The following OPA3 variants were observed in gnomAD, a reference collection of about 807,000 sequenced individuals.
OPA3 encodes optic atrophy 3 protein.
Under a neutral mutation model 4.0 loss-of-function variants are expected in OPA3, and 6 were observed. The ratio of observed to expected loss-of-function variants is 1.51; its 90% confidence interval spans 0.83 to 2.99. OPA3 has a LOEUF of 2.99. Ranked by LOEUF, OPA3 falls within the 30% of genes most tolerant of loss-of-function variation. The pLI, the probability that OPA3 is intolerant of heterozygous loss-of-function variation, is 0.00. For synonymous variants in OPA3, 105 were observed against 117.1 expected (o/e 0.90, Z 0.67); for missense variants, 235 against 256.2 (o/e 0.92, Z 0.56).
At chr19:45,564,406 G>A (rs1969552402) in intron 1 of OPA3, among the ~76,000 whole-genome samples, 1 of 152,194 alleles carries the variant, frequency 6.6e-6, no homozygotes, top group Admixed American at 6.5e-5. Context: ...GTGGGGTTAA[G>A]CCCAGGATCC....
chr19:45,557,194 G>C (rs1306085983), intron 1 of OPA3, among the ~76,000 whole-genome samples: 10 of 152,182 alleles, frequency 6.6e-5, no homozygotes, highest in African/African-American at 9.7e-5. Flanking sequence ...CAGCAGGTGG[G>C]TCTAGGTGTG....
In OPA3 at chr19:45,584,664, C is replaced by A; in HGVS notation, c.101G>T (p.Ser34Ile). 1 of 1,614,206 alleles carries A rather than the reference C, an allele frequency of 6.2e-7. No individual in the cohort carries two copies. Among genetic ancestry groups the A allele is most frequent in the East Asian group, 2.2e-5 (1 of 44,874 alleles). Residue 34 changes from serine to isoleucine, a missense_variant, in exon 1 of 2, where the codon AGC (serine) becomes ATC (isoleucine). Coordinates refer to ENST00000263275, the MANE Select transcript of OPA3 (RefSeq NM_025136.4). The stretch of plus-strand genomic sequence containing the variant: ...GCAGATATAGGTCTTGAAGAACTCG[C>A]TTCGGCGGGCGGCCTCCTTAATACG... ...ANRIKEAARR[S>I]EFFKTYICLP...
intron 1 of OPA3, among the ~76,000 whole-genome samples, chr19:45,580,591 C>T (rs937130737): frequency 2.2e-4 from 33 of 149,914 alleles, no homozygotes; most frequent in Non-Finnish European, 5.9e-5. Context: ...CCGCGCCCAG[C>T]ACAGAAGCCT....
Position 45,551,042 on chromosome 19 carries a change from C to T in OPA3, c.*2472G>A. On this transcript the variant is annotated 3_prime_UTR_variant, in exon 2 of 2. Coordinates refer to ENST00000263275, the MANE Select transcript of OPA3 (RefSeq NM_025136.4). ...GTGGCGCGATCACGGCTCGCTGCAGCCTCGACCTCCAGGGCTCAGGTGATC... is the reference window on the plus strand; with the variant it reads ...GTGGCGCGATCACGGCTCGCTGCAGTCTCGACCTCCAGGGCTCAGGTGATC... The T allele has an allele frequency of 1.3e-6, 1 of 771,462 alleles. No individual in the cohort carries two copies. Among genetic ancestry groups the T allele is most frequent in the Non-Finnish European group, 1.6e-6 (1 of 634,670 alleles). The allele number at this position is 771,462 out of a possible 1,614,324, so 47.8% of individuals were successfully genotyped here. A position where few individuals can be genotyped will look rare whatever the true frequency, so the allele number is the denominator to read the frequency against.
At chr19:45,560,403 T>C (rs972251501) in intron 1 of OPA3, among the ~76,000 whole-genome samples, 2 of 152,172 alleles carry the variant, frequency 1.3e-5, no homozygotes, top group African/African-American at 2.4e-5. Flanking sequence ...CAGCCCCAGA[T>C]AGGCACAGAG....
At chr19:45,582,001 G>A (rs1172661885) in intron 1 of OPA3, among the ~76,000 whole-genome samples, 1 of 152,038 alleles carries the variant, frequency 6.6e-6, no homozygotes, top group African/African-American at 2.4e-5. Flanking sequence ...TTTTCACCAT[G>A]TTGGTCAGGC....
chr19:45,549,082 G>C lies in OPA3; in HGVS notation c.*4432C>G. The C allele has an allele frequency of 1.0e-6, 1 of 980,654 alleles. No homozygotes were observed. Among genetic ancestry groups the C allele is most frequent in the Non-Finnish European group, 1.2e-6 (1 of 825,652 alleles). The allele number at this position is 980,654 out of a possible 1,614,324, so 60.7% of individuals were successfully genotyped here. On this transcript the variant is annotated 3_prime_UTR_variant, in exon 2 of 2. Transcript: ENST00000263275. ...GGCCTCCCAAAGTGCTAGGATTACA[G>C]GTGTGAGCCACTGCGCCCAGTCCCA... is the stretch of plus-strand genomic sequence containing the variant.
chr19:45,563,288 T>C (rs1283175981), intron 1 of OPA3, among the ~76,000 whole-genome samples: 1 of 152,160 alleles, frequency 6.6e-6, no homozygotes, highest in East Asian at 1.9e-4. Context: ...GCCTCCTGAG[T>C]AGCTGGGACT....
chr19:45,584,425 AC>A (rs1289730011), intron 1 of OPA3, 197 bp downstream of exon 1: 1 of 984,516 alleles, frequency 1.0e-6, no homozygotes, highest in African/African-American at 1.8e-5. Flanking sequence ...TGGCTCCTTG[AC>A]CCGCCCCTTA....
At chr19:45,546,129 T>C (rs577013796), downstream of OPA3, among the ~76,000 whole-genome samples, 51 of 152,278 alleles carry the variant, frequency 3.3e-4, 1 homozygote, top group South Asian at 4.6e-3. Context: ...ATGTATGATA[T>C]TAACATATCA....
downstream of OPA3, among the ~76,000 whole-genome samples, chr19:45,545,179 C>CA (rs796765113): frequency 4.6e-4 from 57 of 124,922 alleles, 2 homozygotes; most frequent in Middle Eastern, 4.5e-3. Context: ...AAAAAAAAAA[C>CA]AAAAAAACAA....
chr19:45,578,544 C>A (rs761505357), intron 1 of OPA3, among the ~76,000 whole-genome samples: 2 of 151,430 alleles, frequency 1.3e-5, no homozygotes, highest in Admixed American at 6.6e-5. Context: ...ACTCTGCTCC[C>A]GGGCCAGGCG....
rs1599958657 is a variant in OPA3 at position 45,548,905 on chromosome 19, G to A, written c.*4609C>T. The stretch of plus-strand genomic sequence containing the variant: ...TGCAACCTCCGCCTCCCGGGTCCAA[G>A]AGATTCTCCTGCCTCAGCCTCCCGA... On this transcript the variant is annotated 3_prime_UTR_variant, in exon 2 of 2. Coordinates refer to ENST00000263275, the MANE Select transcript of OPA3 (RefSeq NM_025136.4). 2.8e-6 allele frequency: 1 copy of A among 355,128 alleles called. No homozygotes were observed. The highest frequency in any genetic ancestry group is 1.7e-4 in the East Asian group (1 of 5,988). The allele number at this position is 355,128 out of a possible 1,614,324, so 22.0% of individuals were successfully genotyped here. A position where few individuals can be genotyped will look rare whatever the true frequency, so the allele number is the denominator to read the frequency against.
chr19:45,545,414 C>G (rs541034572), downstream of OPA3, among the ~76,000 whole-genome samples: 3 of 151,876 alleles, frequency 2.0e-5, no homozygotes, highest in African/African-American at 7.2e-5. Flanking sequence ...ACCTCTATTC[C>G]CAGCTACTCT....
At chr19:45,542,139 C>A (rs528972305), downstream of OPA3, among the ~76,000 whole-genome samples, 1 of 152,150 alleles carries the variant, frequency 6.6e-6, no homozygotes, top group Non-Finnish European at 1.5e-5. Context: ...CAAGTGAAGC[C>A]GGCTACTTCC....
intron 1 of OPA3, among the ~76,000 whole-genome samples, chr19:45,564,945 G>A (rs1193628630): frequency 3.3e-5 from 5 of 151,998 alleles, no homozygotes; most frequent in East Asian, 3.9e-4. Flanking sequence ...AACTTTTCTC[G>A]GCCGGGCGTG....
At chr19:45,538,456 A>T (rs1316154156) in intron 1 of OPA3, among the ~76,000 whole-genome samples, 1 of 152,178 alleles carries the variant, frequency 6.6e-6, no homozygotes, top group Non-Finnish European at 1.5e-5. Context: ...ACGGTGTCTT[A>T]CACTTGTAAT....
chr19:45,541,958 G>T (rs899818277), downstream of OPA3, among the ~76,000 whole-genome samples: 11 of 152,182 alleles, frequency 7.2e-5, no homozygotes, highest in Non-Finnish European at 1.5e-4. Flanking sequence ...GTGGTAGGGG[G>T]TGGTACCCAT....
In OPA3 at chr19:45,577,811, G is replaced by A. The variant is rs200860497; in HGVS notation, c.142+6812C>T. On this transcript the variant is annotated intron_variant, in intron 1 of 1. Coordinates refer to ENST00000263275, the MANE Select transcript of OPA3 (RefSeq NM_025136.4). Reference sequence around the variant, plus strand: ...AAACATGTTCAACATGAATCCAATCGGGGAAGCAATCAGGAGACTCCAGAC... The same window carrying A: ...AAACATGTTCAACATGAATCCAATCAGGGAAGCAATCAGGAGACTCCAGAC... Among the ~76,000 whole-genome samples the A allele has an allele frequency of 7.1e-4, 39 of 55,202 alleles. No individual in the cohort carries two copies. The South Asian group carries it at 0.028, about 40-fold the overall frequency. 36.2% of individuals were successfully genotyped at this position (55,202 alleles called of 152,430 possible).
Sources: allele counts gnomAD v4.1 joint callset (sites outside exome capture counted in the v4.1 genomes callset), GRCh38; gene constraint gnomAD v4.1.1; transcripts MANE v1.5; gene names NCBI Gene and HGNC (gene_info 2026-07-23, HGNC 2026-07-21).